C1orf21: variants seen among roughly 807,000 people sequenced by gnomAD.
The protein encoded by C1orf21 is uncharacterized protein C1orf21.
A neutral mutation model predicts 18.7 loss-of-function variants in C1orf21; 3 were observed. That is an observed-to-expected ratio of 0.16 (90% CI 0.07 to 0.42). The LOEUF (loss-of-function observed/expected upper bound fraction) is 0.42. Ranked by LOEUF, C1orf21 falls within the 10% of genes least tolerant of loss-of-function variation. The pLI, the probability that C1orf21 is intolerant of heterozygous loss-of-function variation, is 0.99. For missense variants in C1orf21, 104 were observed against 143.6 expected (o/e 0.72, Z 1.41); for synonymous variants, 41 against 46.4 (o/e 0.88, Z 0.47).
chr1:184,579,502 T>C (rs1378730855), intron 3 of C1orf21, among the ~76,000 whole-genome samples: 10 of 149,516 alleles, frequency 6.7e-5, no homozygotes, highest in African/African-American at 2.5e-4. Flanking sequence ...TTCTTTTTTT[T>C]TTTTTTTTTC....
At chr1:184,451,258 T>A (rs936567078) in intron 1 of C1orf21, among the ~76,000 whole-genome samples, 1 of 152,090 alleles carries the variant, frequency 6.6e-6, no homozygotes, top group Non-Finnish European at 1.5e-5. Context: ...TTAACCATTT[T>A]ATATTTTTAC....
At chr1:184,523,349 G>C (rs1049985354) in intron 3 of C1orf21, among the ~76,000 whole-genome samples, 2 of 152,242 alleles carry the variant, frequency 1.3e-5, no homozygotes, top group Admixed American at 1.3e-4. Flanking sequence ...TTTTATCTCT[G>C]TGGTCTTCCA....
chr1:184,578,895 G>A (rs1320812084), intron 3 of C1orf21, among the ~76,000 whole-genome samples: 1 of 150,892 alleles, frequency 6.6e-6, no homozygotes, highest in African/African-American at 2.4e-5. Flanking sequence ...CTCAACATAA[G>A]CTCTGTCACG....
In C1orf21 at chr1:184,387,557, G is replaced by A. The variant is rs1005316843; in HGVS notation, c.-125+189G>A. ...CCCGGGCCGGGGCTGCTGCTGGTGC[G>A]GGGCTGGCGGGGTTGCTGCCAGGGA... On this transcript the variant is annotated intron_variant, in intron 1 of 5. Coordinates refer to ENST00000235307, the MANE Select transcript of C1orf21 (RefSeq NM_030806.4). This position sits in a 1 kb window ranked among gnomAD's most constrained non-coding sequence, Gnocchi z 5.6. 6.6e-6 allele frequency among the ~76,000 whole-genome samples: 1 copy of A among 151,996 alleles called. No homozygotes were observed. Among genetic ancestry groups the A allele is most frequent in the African/African-American group, 2.4e-5 (1 of 41,414 alleles).
intron 1 of C1orf21, among the ~76,000 whole-genome samples, chr1:184,446,552 T>C (rs1169624438): frequency 1.3e-5 from 2 of 152,104 alleles, no homozygotes; most frequent in Non-Finnish European, 1.5e-5. Context: ...ACTTCAATGA[T>C]ACAATCAGCA....
At chr1:184,614,167 G>A (rs1268577904) in intron 5 of C1orf21, among the ~76,000 whole-genome samples, 1 of 152,148 alleles carries the variant, frequency 6.6e-6, no homozygotes, top group Non-Finnish European at 1.5e-5. Flanking sequence ...TTTTCTGTTG[G>A]ACCAGTTGGT....
chr1:184,522,853 A>T (rs1330746828), intron 3 of C1orf21, among the ~76,000 whole-genome samples: 1 of 152,076 alleles, frequency 6.6e-6, no homozygotes, highest in Non-Finnish European at 1.5e-5. Flanking sequence ...ATGCCCAGCT[A>T]ATTTTTTGTA....
intron 2 of C1orf21, among the ~76,000 whole-genome samples, chr1:184,494,224 A>G (rs922653534): frequency 6.6e-6 from 1 of 152,180 alleles, no homozygotes; most frequent in African/African-American, 2.4e-5. Context: ...GAAACAACAA[A>G]GCCAAATTTC....
At chr1:184,601,650 C>G (rs1436989583) in intron 5 of C1orf21, among the ~76,000 whole-genome samples, 2 of 152,148 alleles carry the variant, frequency 1.3e-5, no homozygotes, top group East Asian at 1.9e-4. Context: ...CACCTGTAAT[C>G]CCAGCACTTT....
At chr1:184,508,392 G>T (rs1226796565) in intron 3 of C1orf21, among the ~76,000 whole-genome samples, 1 of 152,030 alleles carries the variant, frequency 6.6e-6, no homozygotes, top group Admixed American at 6.6e-5. Flanking sequence ...AATTGTTTTT[G>T]TTGTTTATAT....
intron 5 of C1orf21, among the ~76,000 whole-genome samples, chr1:184,614,585 C>T (rs1359257883): frequency 1.6e-5 from 1 of 62,704 alleles, no homozygotes; most frequent in South Asian, 5.4e-4. Flanking sequence ...TTGGGTGGGG[C>T]GGGGTGGGGG....
chr1:184,620,532 T>C lies in C1orf21; in HGVS notation c.*976T>C, dbSNP rs1198363568. The C allele has an allele frequency of 2.0e-5, 3 of 152,636 alleles. No individual in the cohort carries two copies. Among genetic ancestry groups the C allele is most frequent in the Admixed American group, 2.0e-4 (3 of 15,286 alleles). The allele number at this position is 152,636 out of a possible 1,614,324, so 9.5% of individuals were successfully genotyped here. A position where few individuals can be genotyped will look rare whatever the true frequency, so the allele number is the denominator to read the frequency against. ...CTTTTTAGGAAGGCCTGAAACCACC[T>C]TGTTACCTTTCATTTTGTTAGCAAA... On this transcript the variant is annotated 3_prime_UTR_variant, in exon 6 of 6. Transcript: ENST00000235307.
intron 3 of C1orf21, among the ~76,000 whole-genome samples, chr1:184,541,213 G>T (rs920892349): frequency 2.0e-5 from 3 of 152,292 alleles, no homozygotes; most frequent in East Asian, 3.9e-4. Context: ...TGTTGATTTT[G>T]TCCAAGTGTG....
At position 184,596,477 on chromosome 1, in the gene C1orf21, A is replaced by G. The variant is rs1220487464; in HGVS notation, c.267-1924A>G. Among the ~76,000 whole-genome samples, 9 of 152,068 alleles carry G rather than the reference A, an allele frequency of 5.9e-5. No homozygotes were observed. In the South Asian group the frequency reaches 1.9e-3, roughly 32 times the overall value. Reference sequence around the variant, plus strand: ...GTTTCCACAATGAACGTCAAATCCTAAAAATGCCGTTTTTTATGAGGTCCC... The same window carrying G: ...GTTTCCACAATGAACGTCAAATCCTGAAAATGCCGTTTTTTATGAGGTCCC... On this transcript the variant is annotated intron_variant, in intron 4 of 5. Coordinates refer to ENST00000235307, the MANE Select transcript of C1orf21 (RefSeq NM_030806.4).
intron 1 of C1orf21, among the ~76,000 whole-genome samples, chr1:184,395,589 A>C (rs1032233580): frequency 6.6e-6 from 1 of 151,978 alleles, no homozygotes; most frequent in African/African-American, 2.4e-5. Flanking sequence ...TCAGACAAGC[A>C]GGAGAATTGA....
At chr1:184,498,388 TTCTC>T (rs139987621) in intron 2 of C1orf21, among the ~76,000 whole-genome samples, 1 of 151,088 alleles carries the variant, frequency 6.6e-6, no homozygotes, top group South Asian at 2.1e-4. Context: ...TGTCTATGCG[TTCTC>T]TCTCTCTCTC....
In C1orf21 at chr1:184,619,831, G is replaced by A; in HGVS notation, c.*275G>A. 3.1e-6 allele frequency: 1 copy of A among 322,784 alleles called. No homozygotes were observed. The highest frequency in any genetic ancestry group is 5.6e-6 in the Non-Finnish European group (1 of 179,876). The allele number at this position is 322,784 out of a possible 1,614,324, so 20.0% of individuals were successfully genotyped here. On this transcript the variant is annotated 3_prime_UTR_variant, in exon 6 of 6. Coordinates refer to ENST00000235307, the MANE Select transcript of C1orf21 (RefSeq NM_030806.4). ...CACTTCTCTTGTGTCCAGGTATGCA[G>A]CAAAATTCTGCAATTTCACCTTAAA...
At chr1:184,462,045 G>A (rs374777285) in intron 1 of C1orf21, among the ~76,000 whole-genome samples, 22 of 152,312 alleles carry the variant, frequency 1.4e-4, no homozygotes, top group African/African-American at 5.3e-4. Flanking sequence ...CAACAGGGAG[G>A]AGGACATGGG....
intron 3 of C1orf21, among the ~76,000 whole-genome samples, chr1:184,562,950 G>A (rs924716004): frequency 3.3e-5 from 5 of 152,146 alleles, no homozygotes; most frequent in African/African-American, 1.2e-4. Context: ...TTTTGACTGA[G>A]CCTACATGAC....
Sources: gnomAD v4.1 joint callset for allele counts (sites outside exome capture counted in the v4.1 genomes callset) on GRCh38, gnomAD v4.1.1 for gene constraint, Gnocchi (gnomAD v3.1) non-coding constraint, MANE v1.5 for transcripts, NCBI Gene and HGNC (gene_info 2026-07-23, HGNC 2026-07-21) for gene names.